Variants in SLC12A7 observed in about 807,000 individuals in gnomAD.
The protein encoded by SLC12A7 is K-Cl cotransporter 4.
In SLC12A7, 100 loss-of-function variants were observed where a neutral mutation model predicts 120.6. That is an observed-to-expected ratio of 0.83 (90% CI 0.71 to 0.98). SLC12A7 has a LOEUF of 0.98. SLC12A7 is among the 50% of genes least tolerant of loss of function. The pLI is 0.00. For synonymous variants in SLC12A7, 760 were observed against 678.0 expected, an observed-to-expected ratio of 1.12 and a Z score of -1.88; for missense variants, 1,373 against 1,548.1, an observed-to-expected ratio of 0.89 and a Z score of 1.90.
Position 1,093,987 on chromosome 5 carries a change from C to T in SLC12A7, c.219+167G>A, listed in dbSNP as rs567822388. 3.3e-5 allele frequency among the ~76,000 whole-genome samples: 5 copies of T among 152,064 alleles called. No individual in the cohort carries two copies. The East Asian group carries it at 9.7e-4, about 30-fold the overall frequency. ...CGAGGAGCACGTCCCAGCTCAAGTG[C>T]GGGACTGGGCCCCCGCCACAGCCTT... On this transcript the variant is annotated intron_variant, in intron 2 of 23. Transcript: ENST00000264930.
At chr5:1,148,652 C>G in the SLC12A7 span, among the ~76,000 whole-genome samples, 1 of 152,214 alleles carries the variant, frequency 6.6e-6, no homozygotes, top group Admixed American at 6.5e-5. Context: ...AATGAGAGCT[C>G]CCCCTGGGCA....
intron 21 of SLC12A7, among the ~76,000 whole-genome samples, 161 bp downstream of exon 21, chr5:1,060,183 T>TG (rs1185760008): frequency 2.0e-5 from 3 of 152,240 alleles, no homozygotes; most frequent in African/African-American, 7.2e-5. Flanking sequence ...GCAGGGCCTC[T>TG]GCCACCTCCA....
At position 1,075,424 on chromosome 5, in the gene SLC12A7, C is replaced by T. The variant is rs201753439; in HGVS notation, c.1914G>A (p.Ala638=). 4.8e-5 allele frequency: 78 copies of T among 1,612,532 alleles called. No individual in the cohort carries two copies. The highest frequency in any genetic ancestry group is 4.4e-4 in the South Asian group (40 of 91,072). The part of the protein sequence containing the change: ...ALMFICSWYY[A]LSAMLIAGCI... ...AGCCAGCGATGAGCATGGCGGACAG[C>T]GCGTAGTACCAGGAGCAGATGAACA... The change falls in exon 15 of 24, where the codon GCG becomes GCA. Residue 638 remains alanine, a synonymous_variant. Coordinates refer to ENST00000264930, the MANE Select transcript of SLC12A7 (RefSeq NM_006598.3).
rs149819411 is a variant in SLC12A7 at position 1,050,576 on chromosome 5, G to A, written c.*1784C>T. On this transcript the variant is annotated 3_prime_UTR_variant, in exon 24 of 24. Transcript: ENST00000264930. ...AGCTGAGCCCTCAGGAGGTGGTTTCGTGTGCAGAACTGAGCGGCCCTCAGA... is the reference window on the plus strand; with the variant it reads ...AGCTGAGCCCTCAGGAGGTGGTTTCATGTGCAGAACTGAGCGGCCCTCAGA... 6.8e-5 allele frequency: 22 copies of A among 322,962 alleles called. No individual in the cohort carries two copies. Among genetic ancestry groups the A allele is most frequent in the Middle Eastern group, 1.6e-3 (2 of 1,218 alleles). 20.0% of individuals were successfully genotyped at this position (322,962 alleles called of 1,614,324 possible).
At chr5:1,125,323 A>T in the SLC12A7 span, among the ~76,000 whole-genome samples, 1 of 152,172 alleles carries the variant, frequency 6.6e-6, no homozygotes, top group East Asian at 1.9e-4. Flanking sequence ...AGACTTTCAT[A>T]CAGAAACATC....
At chr5:1,121,519 A>G in the SLC12A7 span, among the ~76,000 whole-genome samples, 1 of 152,234 alleles carries the variant, frequency 6.6e-6, no homozygotes, top group Non-Finnish European at 1.5e-5. Context: ...TATGGCCTCA[A>G]GTAATCGTGG....
chr5:1,139,806 G>GGGCC, the SLC12A7 span, among the ~76,000 whole-genome samples: 1 of 152,342 alleles, frequency 6.6e-6, no homozygotes, highest in South Asian at 2.1e-4. Context: ...CCACTTCCCA[G>GGGCC]TCTAGGGCCA....
rs551281865 is a variant in SLC12A7 at position 1,054,666 on chromosome 5, G to A, written c.3027-1184C>T. ...GCCCTGGACGCAGAGGGGCGGCGGC[G>A]GACAGACAGAGGCCGCCCATGCAGG... On this transcript the variant is annotated intron_variant, in intron 22 of 23. Transcript: ENST00000264930. Among the ~76,000 whole-genome samples the A allele has an allele frequency of 2.3e-3, 351 of 152,326 alleles. 1 individual carries two copies. The highest frequency in any genetic ancestry group is 7.0e-3 in the African/African-American group (292 of 41,570).
chr5:1,090,092 C>T (rs908961483), intron 3 of SLC12A7, among the ~76,000 whole-genome samples: 2 of 152,238 alleles, frequency 1.3e-5, no homozygotes, highest in Admixed American at 6.5e-5. Context: ...TGCGGGGCTT[C>T]GATCCTGGGG....
At chr5:1,058,737 C>T (rs540598318) in intron 21 of SLC12A7, among the ~76,000 whole-genome samples, 10 of 152,330 alleles carry the variant, frequency 6.6e-5, no homozygotes, top group South Asian at 2.1e-4. Flanking sequence ...TTGTGGCGCC[C>T]GGCCCAGCCT....
chr5:1,079,354 C>T, intron 10 of SLC12A7, 44 bp downstream of exon 10: 1 of 1,517,264 alleles, frequency 6.6e-7, no homozygotes, highest in East Asian at 2.3e-5. Context: ...GGGCCTCCCC[C>T]CAGGCAGAGG....
At chr5:1,123,713 C>A in the SLC12A7 span, among the ~76,000 whole-genome samples, 2 of 152,220 alleles carry the variant, frequency 1.3e-5, no homozygotes, top group South Asian at 4.1e-4. Context: ...GCCAAGGAGC[C>A]GGGATCGGGG....
chr5:1,056,091 C>T (rs565078004), intron 22 of SLC12A7, among the ~76,000 whole-genome samples: 2 of 152,256 alleles, frequency 1.3e-5, no homozygotes, highest in South Asian at 2.1e-4. Context: ...CCACCTGCCC[C>T]GGAGCTCAGA....
chr5:1,097,090 T>C (rs528623503), intron 1 of SLC12A7, among the ~76,000 whole-genome samples: 13 of 152,188 alleles, frequency 8.5e-5, no homozygotes, highest in African/African-American at 2.9e-4. Context: ...CCACCAGGAG[T>C]GCAGCTTGGG....
At chr5:1,083,189 T>C (rs865991433) in intron 8 of SLC12A7, among the ~76,000 whole-genome samples, 18 of 149,652 alleles carry the variant, frequency 1.2e-4, no homozygotes, top group Middle Eastern at 3.5e-3. Flanking sequence ...GCTTCCTCTC[T>C]AGGGTTCTGG....
At chr5:1,112,098 G>A, upstream of SLC12A7, 1 of 1,142,596 alleles carries the variant, frequency 8.8e-7, no homozygotes, top group Non-Finnish European at 1.1e-6. Context: ...GAGCCGCCCC[G>A]CCCCGCCCGG....
At chr5:1,110,801 A>C (rs2150913991) in intron 1 of SLC12A7, among the ~76,000 whole-genome samples, 1 of 152,326 alleles carries the variant, frequency 6.6e-6, no homozygotes, top group East Asian at 1.9e-4. Context: ...GAGGAAGCTG[A>C]GACCACTCTT....
At chr5:1,077,720 G>C in intron 12 of SLC12A7, 113 bp downstream of exon 12, 1 of 1,140,618 alleles carries the variant, frequency 8.8e-7, no homozygotes, top group Non-Finnish European at 1.2e-6. Flanking sequence ...GACCACCATG[G>C]GGTCCAAGCC....
the SLC12A7 span, among the ~76,000 whole-genome samples, chr5:1,123,074 GT>G: frequency 1.3e-5 from 2 of 152,168 alleles, no homozygotes; most frequent in African/African-American, 4.8e-5. Context: ...CCTCCTAATC[GT>G]TCTGGCTGAG....
Sources: gnomAD v4.1 joint callset for allele counts (sites outside exome capture counted in the v4.1 genomes callset) on GRCh38, gnomAD v4.1.1 for gene constraint, MANE v1.5 for transcripts, NCBI Gene and HGNC (gene_info 2026-07-23, HGNC 2026-07-21) for gene names.